FHOD3: variants seen among roughly 807,000 people sequenced by gnomAD.
FHOD3 encodes FH1/FH2 domain-containing protein 3.
FHOD3 carries 90 observed loss-of-function variants against 173.0 expected under a neutral mutation model. The ratio of observed to expected loss-of-function variants is 0.52; its 90% confidence interval spans 0.44 to 0.62. FHOD3 has a LOEUF of 0.62. Among genes scored for constraint, FHOD3 ranks in the 20% least tolerant of loss-of-function variants. FHOD3 has a pLI of 0.00. For synonymous variants in FHOD3, 828 were observed against 823.0 expected, an observed-to-expected ratio of 1.01 and a Z score of -0.10; for missense variants, 1,945 against 2,034.7, an observed-to-expected ratio of 0.96 and a Z score of 0.85.
chr18:36,455,661 T>C (rs1485365822), intron 3 of FHOD3, among the ~76,000 whole-genome samples: 3 of 151,528 alleles, frequency 2.0e-5, no homozygotes. Flanking sequence ...TCAAAAAAAA[T>C]AGTTAAAAAT....
intron 14 of FHOD3, among the ~76,000 whole-genome samples, chr18:36,670,357 A>G (rs945357156): frequency 6.6e-6 from 1 of 152,058 alleles, no homozygotes; most frequent in African/African-American, 2.4e-5. Context: ...TGATAACTCT[A>G]ATAGCATGTA....
At chr18:36,646,981 A>G (rs554626190) in intron 10 of FHOD3, among the ~76,000 whole-genome samples, 7 of 152,346 alleles carry the variant, frequency 4.6e-5, no homozygotes, top group Admixed American at 3.3e-4. Context: ...TCATGCCTGT[A>G]ATTCCAGCAC....
intron 5 of FHOD3, among the ~76,000 whole-genome samples, chr18:36,527,723 G>T (rs2056592209): frequency 6.6e-6 from 1 of 152,082 alleles, no homozygotes; most frequent in East Asian, 1.9e-4. Flanking sequence ...CAATGGAATT[G>T]ACAAGATATA....
At chr18:36,521,921 A>C (rs1411884351) in intron 5 of FHOD3, among the ~76,000 whole-genome samples, 1 of 152,142 alleles carries the variant, frequency 6.6e-6, no homozygotes, top group Admixed American at 6.5e-5. Context: ...TCTGCCTACA[A>C]GGCCTCGCTC....
At chr18:36,424,340 C>T (rs191641625) in intron 3 of FHOD3, among the ~76,000 whole-genome samples, 9 of 152,192 alleles carry the variant, frequency 5.9e-5, no homozygotes, top group Middle Eastern at 3.4e-3. Context: ...CTTTTTTCCC[C>T]GTATGCCTTC....
intron 3 of FHOD3, among the ~76,000 whole-genome samples, chr18:36,395,971 A>C (rs1238490503): frequency 6.6e-6 from 1 of 152,214 alleles, no homozygotes; most frequent in African/African-American, 2.4e-5. Context: ...CCCTCCTTCT[A>C]GTAGATTCTT....
chr18:36,321,341 T>C (rs1337251573), intron 1 of FHOD3, among the ~76,000 whole-genome samples: 2 of 151,362 alleles, frequency 1.3e-5, no homozygotes, highest in African/African-American at 4.9e-5. Context: ...GTCAGGTAAA[T>C]AATGAGATGG....
chr18:36,715,111 T>C (rs2040376076), intron 18 of FHOD3, among the ~76,000 whole-genome samples: 1 of 152,206 alleles, frequency 6.6e-6, no homozygotes, highest in East Asian at 1.9e-4. Flanking sequence ...ACTACCTGGC[T>C]CTGCCAGCCC....
At chr18:36,484,119 G>A (rs2054070965) in intron 3 of FHOD3, among the ~76,000 whole-genome samples, 1 of 152,190 alleles carries the variant, frequency 6.6e-6, no homozygotes, top group Non-Finnish European at 1.5e-5. Flanking sequence ...ATCAACTATT[G>A]TATTTCTGCT....
intron 1 of FHOD3, among the ~76,000 whole-genome samples, chr18:36,322,338 C>G (rs1338047989): frequency 1.3e-5 from 2 of 152,146 alleles, no homozygotes; most frequent in East Asian, 3.9e-4. Flanking sequence ...CAGTCACCTC[C>G]TCTCGAGAGG....
intron 3 of FHOD3, among the ~76,000 whole-genome samples, chr18:36,417,996 C>G (rs1028625599): frequency 2.0e-5 from 3 of 152,160 alleles, no homozygotes; most frequent in African/African-American, 7.2e-5. Context: ...GAAAATGTTA[C>G]TTTTAATAAA....
chr18:36,528,862 C>T (rs768670213), intron 5 of FHOD3, among the ~76,000 whole-genome samples: 4 of 152,216 alleles, frequency 2.6e-5, no homozygotes, highest in South Asian at 2.1e-4. Flanking sequence ...TGTTCTCACA[C>T]GGGCTTCTGT....
At chr18:36,505,820 C>G (rs1341264707) in intron 4 of FHOD3, among the ~76,000 whole-genome samples, 1 of 152,186 alleles carries the variant, frequency 6.6e-6, no homozygotes, top group Non-Finnish European at 1.5e-5. Flanking sequence ...GAGACAGCTC[C>G]TATGGGAAAT....
At chr18:36,728,280 G>A (rs975675293) in intron 19 of FHOD3, among the ~76,000 whole-genome samples, 1 of 152,208 alleles carries the variant, frequency 6.6e-6, no homozygotes, top group Non-Finnish European at 1.5e-5. Context: ...CACAGTATTG[G>A]CATTGCTAGT....
chr18:36,510,552 G>T (rs906005862), intron 4 of FHOD3, among the ~76,000 whole-genome samples: 1 of 152,090 alleles, frequency 6.6e-6, no homozygotes, highest in South Asian at 2.1e-4. Flanking sequence ...GTGGTTTCTT[G>T]AGAGCTTGTT....
chr18:36,343,576 T>C (rs1042763952), intron 1 of FHOD3, among the ~76,000 whole-genome samples: 4 of 152,106 alleles, frequency 2.6e-5, no homozygotes, highest in Admixed American at 2.6e-4. Context: ...ACCCATATTT[T>C]TTCCATGCAA....
intron 20 of FHOD3, among the ~76,000 whole-genome samples, chr18:36,738,683 T>G (rs2041760091): frequency 6.6e-6 from 1 of 152,234 alleles, no homozygotes; most frequent in Non-Finnish European, 1.5e-5. Flanking sequence ...CACCATTTGT[T>G]GAAAATAATA....
At chr18:36,663,881 A>G (rs1162822231) in intron 14 of FHOD3, among the ~76,000 whole-genome samples, 2 of 152,188 alleles carry the variant, frequency 1.3e-5, no homozygotes, top group South Asian at 2.1e-4. Context: ...TCTATTCCCT[A>G]TGAATCCACA....
rs188718637 is a variant in FHOD3 at position 36,549,506 on chromosome 18, T to C, written c.512-26945T>C. 2.2e-3 allele frequency among the ~76,000 whole-genome samples: 330 copies of C among 149,224 alleles called. 2 individuals are homozygous for C. The highest frequency in any genetic ancestry group is 7.7e-3 in the African/African-American group (315 of 41,044). On this transcript the variant is annotated intron_variant, in intron 5 of 28. Transcript: ENST00000590592. Reference sequence around the variant, plus strand: ...ATAATTTTTTTTCTTTTATGGACCATACATTTAGTGTCAGATCTAAGAAAT... The same window carrying C: ...ATAATTTTTTTTCTTTTATGGACCACACATTTAGTGTCAGATCTAAGAAAT...
Sources: gnomAD v4.1 joint callset for allele counts (sites outside exome capture counted in the v4.1 genomes callset) on GRCh38, gnomAD v4.1.1 for gene constraint, MANE v1.5 for transcripts, NCBI Gene and HGNC (gene_info 2026-07-23, HGNC 2026-07-21) for gene names.